Variants in TRPM4 observed in about 807,000 individuals in gnomAD.
The protein encoded by TRPM4 is calcium-activated non-selective cation channel 1.
TRPM4 carries 124 observed loss-of-function variants against 135.6 expected under a neutral mutation model. That is an observed-to-expected ratio of 0.91 (90% CI 0.79 to 1.06). The LOEUF is 1.06. Ranked by LOEUF, TRPM4 falls within the 50% of genes least tolerant of loss-of-function variation. TRPM4 has a pLI of 0.00. For missense variants in TRPM4, 1,658 were observed against 1,671.4 expected (o/e 0.99, Z 0.14); for synonymous variants, 745 against 705.6 (o/e 1.06, Z -0.88).
chr19:49,185,202 C>G (rs1968154421), intron 12 of TRPM4, among the ~76,000 whole-genome samples: 1 of 151,258 alleles, frequency 6.6e-6, no homozygotes, highest in Admixed American at 6.6e-5. Context: ...TTTTTTCCTA[C>G]TCATTTCTAT....
At chr19:49,186,482 A>G (rs1254377339) in intron 12 of TRPM4, among the ~76,000 whole-genome samples, 1 of 152,122 alleles carries the variant, frequency 6.6e-6, no homozygotes, top group Non-Finnish European at 1.5e-5. Flanking sequence ...ATTTCCTTTC[A>G]TGGCCTCTTT....
rs752891976 is a variant in TRPM4 at position 49,202,040 on chromosome 19, C to CT, written c.3031dup (p.Cys1011LeufsTer105). 29 of 1,614,046 alleles carry CT rather than the reference C, an allele frequency of 1.8e-5. No individual in the cohort carries two copies. The highest frequency in any genetic ancestry group is 1.0e-4 in the Admixed American group (6 of 60,026). On this transcript the variant is annotated frameshift_variant, in exon 20 of 25. Coordinates refer to ENST00000252826, the MANE Select transcript of TRPM4 (RefSeq NM_017636.4). LOFTEE classifies it high-confidence loss of function. ...ACCCTCCTGGGGCCCAGGCGGGCAC[C>CT]TGCGTCTCCCAGTATGCCAACTGGC...
At position 49,210,667 on chromosome 19, in the gene TRPM4, A is replaced by G. The variant is rs774388095; in HGVS notation, c.3329-43A>G. On this transcript the variant is annotated intron_variant, in intron 21 of 24. Coordinates refer to ENST00000252826, the MANE Select transcript of TRPM4 (RefSeq NM_017636.4). The surrounding 1 kb of genome is among the most constrained non-coding windows in gnomAD (Gnocchi z 4.1). ...GTCGGAAGGGGCAGCTGGGATTGGG[A>G]AGGGGCGTGGCCTGAGCCCTTTGAC... 5.0e-6 allele frequency: 8 copies of G among 1,613,504 alleles called. No individual in the cohort carries two copies. Among genetic ancestry groups the G allele is most frequent in the Non-Finnish European group, 5.9e-6 (7 of 1,179,946 alleles).
At chr19:49,173,940 G>T (rs1344205401) in intron 9 of TRPM4, among the ~76,000 whole-genome samples, 1 of 152,058 alleles carries the variant, frequency 6.6e-6, no homozygotes, top group South Asian at 2.1e-4. Flanking sequence ...AAAGTGCTGG[G>T]ATTACAGGCA....
chr19:49,186,241 G>A (rs910211573), intron 12 of TRPM4, among the ~76,000 whole-genome samples: 4 of 152,140 alleles, frequency 2.6e-5, no homozygotes, highest in South Asian at 4.1e-4. Context: ...CATGAGCGAC[G>A]CCCACCGTGG....
chr19:49,158,031 G>T lies in TRPM4; in HGVS notation c.24+141G>T, dbSNP rs1047228265. On this transcript the variant is annotated intron_variant, in intron 1 of 24. Transcript: ENST00000252826. ...GAGGGTCCAGGTTCCAGGGTCCAGGGCATGGGGGTCGAGACTCCTGAGTCT... is the reference window on the plus strand; with the variant it reads ...GAGGGTCCAGGTTCCAGGGTCCAGGTCATGGGGGTCGAGACTCCTGAGTCT... 12 of 1,278,344 alleles carry T rather than the reference G, an allele frequency of 9.4e-6. No homozygotes were observed. In the African/African-American group the frequency reaches 1.7e-4, roughly 19 times the overall value. 79.2% of individuals were successfully genotyped at this position (1,278,344 alleles called of 1,614,324 possible). A position where few individuals can be genotyped will look rare whatever the true frequency, so the allele number is the denominator to read the frequency against.
chr19:49,203,137 C>T lies in TRPM4; in HGVS notation c.3131+996C>T, dbSNP rs574743086. Among the ~76,000 whole-genome samples the T allele has an allele frequency of 4.0e-5, 6 of 151,846 alleles. No individual in the cohort carries two copies. In the South Asian group the frequency reaches 8.3e-4, roughly 21 times the overall value. On this transcript the variant is annotated intron_variant, in intron 20 of 24. Transcript: ENST00000252826. ...CAATCTCCTGACCTCGTGATCCACC[C>T]GCCTTGGCCTCCCAAAGTGCTAGGA... is the stretch of plus-strand genomic sequence containing the variant.
chr19:49,208,673 A>AT (rs1469593021), intron 20 of TRPM4, among the ~76,000 whole-genome samples: 1 of 152,120 alleles, frequency 6.6e-6, no homozygotes, highest in Non-Finnish European at 1.5e-5. Flanking sequence ...TCTATGATCT[A>AT]TATCTAGTAT....
intron 20 of TRPM4, among the ~76,000 whole-genome samples, chr19:49,205,093 A>C (rs1361489310): frequency 6.8e-6 from 1 of 146,052 alleles, no homozygotes; most frequent in Admixed American, 7.1e-5. Context: ...AAGTGCTGGG[A>C]TTATAGGCAC....
rs776677831 is a variant in TRPM4 at position 49,168,123 on chromosome 19, C to T, written c.448+26C>T. ...GTGACCGAGGGTGGGTGGGGGCTGT[C>T]TCCTGGGCCTCGGCCTGCCTGCCAT... On this transcript the variant is annotated intron_variant, in intron 4 of 24. Transcript: ENST00000252826. The T allele has an allele frequency of 8.2e-6, 13 of 1,594,306 alleles. No homozygotes were observed. In the East Asian group the frequency reaches 2.0e-4, roughly 25 times the overall value.
chr19:49,174,756 A>G (rs1242902272), intron 9 of TRPM4, among the ~76,000 whole-genome samples: 1 of 151,518 alleles, frequency 6.6e-6, no homozygotes, highest in Non-Finnish European at 1.5e-5. Flanking sequence ...AAAAAAAAAA[A>G]AAAAACCTAA....
At chr19:49,181,499 A>G (rs1568469768) in intron 10 of TRPM4, 38 bp downstream of exon 10, 1 of 1,410,258 alleles carries the variant, frequency 7.1e-7, no homozygotes. Flanking sequence ...CATACTGACA[A>G]AGGGACTGTG....
chr19:49,208,425 G>A (rs905049199), intron 20 of TRPM4, among the ~76,000 whole-genome samples: 9 of 152,078 alleles, frequency 5.9e-5, no homozygotes, highest in Admixed American at 1.3e-4. Context: ...GCTTGGTAAC[G>A]GGAATCTTCC....
rs1429006662 is a variant in TRPM4, at chr19:49,171,435, G to T, written c.858+17G>T. 1 of 1,614,042 alleles carries T rather than the reference G, an allele frequency of 6.2e-7. No homozygotes were observed. Among genetic ancestry groups the T allele is most frequent in the South Asian group, 1.1e-5 (1 of 91,076 alleles). On this transcript the variant is annotated intron_variant, in intron 7 of 24. Transcript: ENST00000252826. This position sits in a 1 kb window ranked among gnomAD's most constrained non-coding sequence, Gnocchi z 4.7. The stretch of plus-strand genomic sequence containing the variant: ...ATGTTGACGGTATAGGGGCCCGGAT[G>T]CCCGGATCTAAGGGGGAAGGAGGGT...
At chr19:49,206,807 C>G (rs1452064059) in intron 20 of TRPM4, among the ~76,000 whole-genome samples, 1 of 152,188 alleles carries the variant, frequency 6.6e-6, no homozygotes, top group African/African-American at 2.4e-5. Flanking sequence ...GATATTTCAT[C>G]TAGGTGTTCT....
In TRPM4 at chr19:49,196,982, A is replaced by G. The variant is rs546539307; in HGVS notation, c.2645+108A>G. The G allele has an allele frequency of 2.1e-3, 2,340 of 1,114,138 alleles. 14 individuals are homozygous for G. The highest frequency in any genetic ancestry group is 6.7e-3 in the Middle Eastern group (22 of 3,306). 69.0% of individuals were successfully genotyped at this position (1,114,138 alleles called of 1,614,324 possible). Reference sequence around the variant, plus strand: ...TTCCCCGCAGCTGGGCAGCAGGTCAAGCCAACCCTGCTGATTGAGAACCCC... The same window carrying G: ...TTCCCCGCAGCTGGGCAGCAGGTCAGGCCAACCCTGCTGATTGAGAACCCC... On this transcript the variant is annotated intron_variant, in intron 17 of 24. Coordinates refer to ENST00000252826, the MANE Select transcript of TRPM4 (RefSeq NM_017636.4).
In TRPM4 at chr19:49,190,726, GC is replaced by G. The variant is rs2095863829; in HGVS notation, c.2164del (p.Leu722Ter). On this transcript the variant is annotated frameshift_variant, in exon 16 of 25. Transcript: ENST00000252826. LOFTEE classifies it high-confidence loss of function. ...KSEEEPTREE[L>X]EFDMDSVING... ...CAGAAGAGGAGCCCACACGGGAGGA[GC>G]TAGAGTTTGACATGGATAGTGTCAT... 1 of 1,614,070 alleles carries G rather than the reference GC, an allele frequency of 6.2e-7. No individual in the cohort carries two copies.
intron 12 of TRPM4, among the ~76,000 whole-genome samples, chr19:49,187,686 T>C (rs1415067135): frequency 6.6e-6 from 1 of 152,118 alleles, no homozygotes; most frequent in Non-Finnish European, 1.5e-5. Flanking sequence ...GAAAGAGTAA[T>C]TCGCGCAGAG....
At chr19:49,182,963 AG>A in intron 11 of TRPM4, 41 bp downstream of exon 11, 1 of 1,586,874 alleles carries the variant, frequency 6.3e-7, no homozygotes, top group Non-Finnish European at 8.6e-7. Flanking sequence ...CCGCGCGGGA[AG>A]GACCTGGGGG....
Sources: allele counts gnomAD v4.1 joint callset (sites outside exome capture counted in the v4.1 genomes callset), GRCh38; gene constraint gnomAD v4.1.1; non-coding constraint Gnocchi (gnomAD v3.1); transcripts MANE v1.5; gene names NCBI Gene and HGNC (gene_info 2026-07-23, HGNC 2026-07-21).